MIA2: variants seen among roughly 807,000 people sequenced by gnomAD.
MIA2 encodes melanoma inhibitory activity protein 2.
Under a neutral mutation model 167.8 loss-of-function variants are expected in MIA2, and 127 were observed. That is an observed-to-expected ratio of 0.76 (90% CI 0.66 to 0.88). MIA2 has a LOEUF of 0.88. Ranked by LOEUF, MIA2 falls within the 40% of genes least tolerant of loss-of-function variation. The pLI is 0.00. For synonymous variants in MIA2, 552 were observed against 541.9 expected, an observed-to-expected ratio of 1.02 and a Z score of -0.26; for missense variants, 1,690 against 1,624.7, an observed-to-expected ratio of 1.04 and a Z score of -0.69.
At chr14:39,358,316 C>T (rs1175087789) in intron 23 of MIA2, among the ~76,000 whole-genome samples, 2 of 152,202 alleles carry the variant, frequency 1.3e-5, no homozygotes, top group Non-Finnish European at 2.9e-5. Flanking sequence ...TCTTCCATCA[C>T]TCATACCCTT....
At chr14:39,321,165 C>G in intron 24 of MIA2, 109 bp downstream of exon 24, 4 of 1,020,744 alleles carry the variant, frequency 3.9e-6, no homozygotes, top group Non-Finnish European at 5.7e-6. Flanking sequence ...TACAGGCATT[C>G]CTTGCACTTA....
At chr14:39,246,758 G>A (rs905010351) in intron 3 of MIA2, among the ~76,000 whole-genome samples, 153 bp from the exon 4 acceptor site, 4 of 152,216 alleles carry the variant, frequency 2.6e-5, no homozygotes, top group Non-Finnish European at 5.9e-5. Context: ...TAGCCTTGAA[G>A]TCAGTTGTGA....
chr14:39,384,486 G>A (rs1224994251), intron 23 of MIA2, among the ~76,000 whole-genome samples: 5 of 152,066 alleles, frequency 3.3e-5, no homozygotes, highest in South Asian at 2.1e-4. Flanking sequence ...GGGTAATTTC[G>A]ACTTTCAAGT....
rs181844343 is a variant in MIA2 at position 39,303,036 on chromosome 14, G to A, written c.2741-442G>A. 3.5e-3 allele frequency among the ~76,000 whole-genome samples: 533 copies of A among 152,134 alleles called. 4 individuals are homozygous for A. The highest frequency in any genetic ancestry group is 7.4e-3 in the African/African-American group (308 of 41,516). Reference sequence around the variant, plus strand: ...GGAAAAAATTACATCCCTAAAATAAGTATATAAAGTTCTGTTTGTACTTTT... The same window carrying A: ...GGAAAAAATTACATCCCTAAAATAAATATATAAAGTTCTGTTTGTACTTTT... On this transcript the variant is annotated intron_variant, in intron 15 of 28. Transcript: ENST00000640607.
intron 9 of MIA2, among the ~76,000 whole-genome samples, chr14:39,286,401 TC>T (rs2059793806): frequency 6.6e-6 from 1 of 152,090 alleles, no homozygotes; most frequent in Non-Finnish European, 1.5e-5. Flanking sequence ...AGCAGTACAG[TC>T]CAGCTTTGGC....
In MIA2 at chr14:39,380,838, C is replaced by G. The variant is rs1393641047; in HGVS notation, c.2249-6047C>G. Among the ~76,000 whole-genome samples the G allele has an allele frequency of 3.3e-5, 5 of 151,928 alleles. No homozygotes were observed. In the East Asian group the frequency reaches 9.6e-4, roughly 29 times the overall value. Reference sequence around the variant, plus strand: ...CTAGATTTCTGAGCTCTGGGCAGAGCCCACACTGAAACCCTGGTTCTCCAA... The same window carrying G: ...CTAGATTTCTGAGCTCTGGGCAGAGGCCACACTGAAACCCTGGTTCTCCAA... On this transcript the variant is annotated intron_variant, in intron 23 of 23. Transcript: ENST00000341502.
intron 17 of MIA2, among the ~76,000 whole-genome samples, chr14:39,306,738 T>C (rs1388152777): frequency 6.6e-6 from 1 of 152,206 alleles, no homozygotes; most frequent in Non-Finnish European, 1.5e-5. Context: ...GAGTTTTGTC[T>C]TTTAAGATTT....
rs565201175 is a variant in MIA2 at position 39,361,483 on chromosome 14, A to C, written c.2248+12506A>C. ...GACAGAGTTTCGCTCTTGTTGCCCAAGCTGGAGTGCAATGACACCATCTCG... is the reference window on the plus strand; with the variant it reads ...GACAGAGTTTCGCTCTTGTTGCCCACGCTGGAGTGCAATGACACCATCTCG... On this transcript the variant is annotated intron_variant, in intron 23 of 23. Coordinates refer to the MIA2 transcript ENST00000341502. Among the ~76,000 whole-genome samples, 5 of 150,062 alleles carry C rather than the reference A, an allele frequency of 3.3e-5. No individual in the cohort carries two copies. The East Asian group carries it at 9.8e-4, about 29-fold the overall frequency.
intron 3 of MIA2, among the ~76,000 whole-genome samples, chr14:39,245,341 T>C (rs2054248696): frequency 6.6e-6 from 1 of 152,160 alleles, no homozygotes; most frequent in Non-Finnish European, 1.5e-5. Context: ...TTAATTGTCT[T>C]GTGCCACACA....
intron 18 of MIA2, among the ~76,000 whole-genome samples, chr14:39,312,562 C>T (rs907143721): frequency 1.3e-5 from 2 of 152,186 alleles, no homozygotes; most frequent in African/African-American, 4.8e-5. Flanking sequence ...ATAAATATTT[C>T]TTGGGTGACC....
chr14:39,353,719 CT>C (rs1207134703), downstream of MIA2, among the ~76,000 whole-genome samples: 1 of 152,144 alleles, frequency 6.6e-6, no homozygotes, highest in East Asian at 1.9e-4. Flanking sequence ...CCCCTCTCCC[CT>C]GACCCTATAA....
chr14:39,327,283 A>G (rs537050420), intron 25 of MIA2, among the ~76,000 whole-genome samples: 2 of 152,352 alleles, frequency 1.3e-5, no homozygotes, highest in Admixed American at 6.5e-5. Context: ...TTACTTTAGA[A>G]AATCCAAACA....
chr14:39,335,374 C>G (rs1271133730), intron 25 of MIA2, among the ~76,000 whole-genome samples: 5 of 152,124 alleles, frequency 3.3e-5, no homozygotes, highest in African/African-American at 9.7e-5. Flanking sequence ...TATATATTTT[C>G]TTAACATGTT....
At chr14:39,311,276 G>A (rs1045679459) in intron 18 of MIA2, among the ~76,000 whole-genome samples, 1 of 113,324 alleles carries the variant, frequency 8.8e-6, no homozygotes, top group African/African-American at 3.0e-5. Flanking sequence ...TATGCCATTG[G>A]CACTTCTTCA....
At chr14:39,351,180 A>ATC (rs1177147925), downstream of MIA2, 1 of 152,174 alleles carries the variant, frequency 6.6e-6, no homozygotes, top group Non-Finnish European at 1.5e-5. Flanking sequence ...ACTAATAAAC[A>ATC]TCATAATACT....
intron 6 of MIA2, chr14:39,269,059 A>G: frequency 1.7e-6 from 1 of 583,468 alleles, no homozygotes; most frequent in African/African-American, 2.1e-5. Flanking sequence ...GGTGCGTTGT[A>G]TCTTCACCTG....
intron 23 of MIA2, among the ~76,000 whole-genome samples, chr14:39,380,330 C>T (rs1168215984): frequency 6.6e-6 from 1 of 152,068 alleles, no homozygotes; most frequent in Admixed American, 6.6e-5. Flanking sequence ...AAAGGAACAA[C>T]TCAGATGAAA....
chr14:39,289,626 C>T (rs943711636), intron 9 of MIA2, among the ~76,000 whole-genome samples: 1 of 152,136 alleles, frequency 6.6e-6, no homozygotes, highest in Non-Finnish European at 1.5e-5. Context: ...TTTTGAAGGT[C>T]AGAAGTCTAG....
At chr14:39,239,007 C>A (rs758603980) in intron 2 of MIA2, among the ~76,000 whole-genome samples, 1 of 152,034 alleles carries the variant, frequency 6.6e-6, no homozygotes, top group Non-Finnish European at 1.5e-5. Context: ...ATGATAAGTA[C>A]TTTTACTCCC....
Sources: gnomAD v4.1 joint callset for allele counts (sites outside exome capture counted in the v4.1 genomes callset) on GRCh38, gnomAD v4.1.1 for gene constraint, MANE v1.5 for transcripts, NCBI Gene and HGNC (gene_info 2026-07-23, HGNC 2026-07-21) for gene names.